SLC2A5: variants seen among roughly 807,000 people sequenced by gnomAD.
SLC2A5 encodes the protein solute carrier family 2, facilitated glucose transporter member 5.
In SLC2A5, 56 loss-of-function variants were observed where a neutral mutation model predicts 50.3. The ratio of observed to expected loss-of-function variants is 1.11; its 90% confidence interval spans 0.90 to 1.39. The LOEUF (loss-of-function observed/expected upper bound fraction) is 1.39, where lower values mean the gene tolerates loss of function less well. Ranked by LOEUF, SLC2A5 falls within the 40% of genes most tolerant of loss-of-function variation. The pLI is 0.00. For missense variants in SLC2A5, 566 were observed against 650.1 expected, an observed-to-expected ratio of 0.87 and a Z score of 1.41; for synonymous variants, 269 against 281.9, an observed-to-expected ratio of 0.95 and a Z score of 0.46.
At chr1:9,089,780 C>T (rs910094821), upstream of SLC2A5, among the ~76,000 whole-genome samples, 3 of 152,210 alleles carry the variant, frequency 2.0e-5, no homozygotes, top group Admixed American at 6.5e-5. Context: ...GGAACACCTT[C>T]CCCGTTTGGG....
chr1:9,040,213 C>T lies in SLC2A5; in HGVS notation c.572-24G>A. ...GCCTGGGAGGAAGGCAGCGAGCTGG[C>T]ACCAGCGGCCTCCCCACCACCCCGA... On this transcript the variant is annotated intron_variant, in intron 5 of 11. Transcript: ENST00000377424. This position sits in a 1 kb window ranked among gnomAD's most constrained non-coding sequence, Gnocchi z 4.3. 6.5e-7 allele frequency: 1 copy of T among 1,541,968 alleles called. No homozygotes were observed. The highest frequency in any genetic ancestry group is 8.7e-7 in the Non-Finnish European group (1 of 1,145,812).
intron 2 of SLC2A5, among the ~76,000 whole-genome samples, chr1:9,077,960 G>A (rs1193880798): frequency 6.6e-6 from 1 of 152,018 alleles, no homozygotes; most frequent in Non-Finnish European, 1.5e-5. Flanking sequence ...TAAAAAAAAG[G>A]CTACTCCACA....
Position 9,047,704 on chromosome 1 carries a change from A to T in SLC2A5, c.324T>A (p.Phe108Leu). Residue 108 changes from phenylalanine to leucine, a missense_variant, in exon 4 of 12, where the codon TTT becomes TTA. Phe to Leu is a conservative substitution (Grantham distance 22, BLOSUM62 0). Coordinates refer to ENST00000377424, the MANE Select transcript of SLC2A5 (RefSeq NM_003039.3). ...RKGALLFNNIFSIVPAILMGC... is the reference protein window; with the variant it reads ...RKGALLFNNILSIVPAILMGC... The stretch of plus-strand genomic sequence containing the variant: ...CCATTAAGATCGCAGGCACGATAGA[A>T]AATATGTTGTTGAACAGCAAGGCCC... 6.2e-7 allele frequency: 1 copy of T among 1,614,050 alleles called. No individual in the cohort carries two copies. Among genetic ancestry groups the T allele is most frequent in the Non-Finnish European group, 8.5e-7 (1 of 1,179,932 alleles).
Position 9,035,316 on chromosome 1 carries a change from A to T in SLC2A5, c.*2270T>A, listed in dbSNP as rs1298480850. ...AGGTGCTGCAGTTTCTTGACTTCTG[A>T]TATTCTGACCTGGCCTCTCCTCAGC... On this transcript the variant is annotated 3_prime_UTR_variant, in exon 12 of 12. Coordinates refer to ENST00000377424, the MANE Select transcript of SLC2A5 (RefSeq NM_003039.3). 1 of 152,180 alleles carries T rather than the reference A, an allele frequency of 6.6e-6. No individual in the cohort carries two copies. The highest frequency in any genetic ancestry group is 1.5e-5 in the Non-Finnish European group (1 of 68,040). 9.4% of individuals were successfully genotyped at this position (152,180 alleles called of 1,614,324 possible).
Position 9,057,592 on chromosome 1 carries a change from TA to T in SLC2A5, c.148del (p.Tyr50ThrfsTer18). 1.9e-6 allele frequency: 3 copies of T among 1,612,070 alleles called. No homozygotes were observed. Among genetic ancestry groups the T allele is most frequent in the Non-Finnish European group, 2.5e-6 (3 of 1,179,452 alleles). ...GGTCCTACCATAGTAAGTCTCATTG[TA>T]AAATTGTTGCATGAGCTAGGAGACA... ...NSPALLMQQFYNETYYGRTGE... is the reference protein window; with the variant it reads ...NSPALLMQQFXNETYYGRTGE... On this transcript the variant is annotated frameshift_variant, in exon 3 of 12. Transcript: ENST00000377424. LOFTEE classifies it high-confidence loss of function.
chr1:9,062,337 A>T (rs1641966629), intron 1 of SLC2A5, among the ~76,000 whole-genome samples: 1 of 152,170 alleles, frequency 6.6e-6, no homozygotes, highest in Non-Finnish European at 1.5e-5. Context: ...TCAGCTGAGG[A>T]GAGGAAGGAG....
rs552738484 is a variant in SLC2A5 at position 9,059,354 on chromosome 1, A to G, written c.34-1104T>C. On this transcript the variant is annotated intron_variant, in intron 1 of 11. Transcript: ENST00000377424. ...GAGACGGGGTTTCACTGTGTTAGCC[A>G]GGATGGTCTCAATCTCCTGACCTCG... Among the ~76,000 whole-genome samples the G allele has an allele frequency of 2.1e-3, 314 of 151,218 alleles. 1 individual carries two copies. The highest frequency in any genetic ancestry group is 3.7e-3 in the Non-Finnish European group (254 of 67,806).
intron 7 of SLC2A5, 39 bp downstream of exon 7, chr1:9,039,760 CG>C (rs1641247025): frequency 2.1e-6 from 3 of 1,455,926 alleles, no homozygotes; most frequent in Non-Finnish European, 1.8e-6. Context: ...CCGCGCCCCC[CG>C]AGCCCTCCCC....
chr1:9,082,922 G>C (rs1259845531), intron 2 of SLC2A5: 3 of 232,768 alleles, frequency 1.3e-5, no homozygotes, highest in South Asian at 1.3e-4. Context: ...CCAGGGGCTG[G>C]GGGCAGGGGG....
intron 2 of SLC2A5, among the ~76,000 whole-genome samples, chr1:9,079,991 C>G (rs1642335221): frequency 6.6e-6 from 1 of 152,204 alleles, no homozygotes; most frequent in Admixed American, 6.5e-5. Context: ...CCCTGGCAAC[C>G]ACCATTCTAC....
intron 4 of SLC2A5, among the ~76,000 whole-genome samples, chr1:9,043,524 C>G (rs1422115071): frequency 6.6e-6 from 1 of 151,996 alleles, no homozygotes; most frequent in East Asian, 1.9e-4. Flanking sequence ...AGGCTGTGTC[C>G]TCACCACTTA....
At chr1:9,060,481 T>G (rs1254672272) in intron 1 of SLC2A5, among the ~76,000 whole-genome samples, 1 of 78,712 alleles carries the variant, frequency 1.3e-5, no homozygotes, top group South Asian at 4.4e-4. Flanking sequence ...TACACACCCA[T>G]ACCCCACCCC....
chr1:9,092,321 A>T (rs936236018), upstream of SLC2A5, among the ~76,000 whole-genome samples: 1 of 152,168 alleles, frequency 6.6e-6, no homozygotes, highest in African/African-American at 2.4e-5. Flanking sequence ...TACAAAACAA[A>T]TTAGTCCTAC....
At chr1:9,042,053 C>T in intron 4 of SLC2A5, 116 bp from the exon 5 acceptor site, 1 of 1,381,774 alleles carries the variant, frequency 7.2e-7, no homozygotes, top group East Asian at 2.6e-5. Context: ...TCTCTCAAAA[C>T]TGCAAAGGAG....
intron 2 of SLC2A5, among the ~76,000 whole-genome samples, chr1:9,081,201 A>G (rs1297375820): frequency 7.3e-6 from 1 of 136,752 alleles, no homozygotes; most frequent in Non-Finnish European, 1.6e-5. Flanking sequence ...TCAGGGCTGG[A>G]GTGAGCTGTG....
chr1:9,053,313 T>TATA (rs1557670273), intron 3 of SLC2A5, among the ~76,000 whole-genome samples: 939 of 9,048 alleles, frequency 0.1, 204 homozygotes, highest in Middle Eastern at 0.17. Context: ...TATTTATATA[T>TATA]TGTATTTATA....
upstream of SLC2A5, among the ~76,000 whole-genome samples, chr1:9,072,563 A>G (rs1327033165): frequency 1.3e-5 from 2 of 152,122 alleles, no homozygotes; most frequent in African/African-American, 4.8e-5. Context: ...AGAAGACAGA[A>G]GTAGATACAC....
chr1:9,039,512 G>C, intron 8 of SLC2A5, 40 bp downstream of exon 8: 2 of 1,461,524 alleles, frequency 1.4e-6, no homozygotes, highest in Non-Finnish European at 1.9e-6. Context: ...GGCCCGAGGG[G>C]CCTTGGGTGG....
At chr1:9,051,492 A>G (rs1206093571) in intron 3 of SLC2A5, among the ~76,000 whole-genome samples, 8 of 152,196 alleles carry the variant, frequency 5.3e-5, no homozygotes, top group Admixed American at 5.2e-4. Flanking sequence ...TGGGCCAAAG[A>G]TCTTAACAGA....
Sources: gnomAD v4.1 joint callset for allele counts (sites outside exome capture counted in the v4.1 genomes callset) on GRCh38, gnomAD v4.1.1 for gene constraint, Gnocchi (gnomAD v3.1) non-coding constraint, MANE v1.5 for transcripts, NCBI Gene and HGNC (gene_info 2026-07-23, HGNC 2026-07-21) for gene names.